The following CACNA1C variants were observed in gnomAD, a reference collection of about 807,000 sequenced individuals.
The protein encoded by CACNA1C is voltage-dependent L-type calcium channel subunit alpha-1C.
In CACNA1C, 30 loss-of-function variants were observed where a neutral mutation model predicts 229.0. The observed-to-expected ratio is 0.13, with a 90% confidence interval of 0.10 to 0.18. The LOEUF is 0.18. Among genes scored for constraint, CACNA1C ranks in the 10% least tolerant of loss-of-function variants. CACNA1C has a pLI of 1.00. For missense variants in CACNA1C, 1,658 were observed against 2,845.0 expected (o/e 0.58, Z 9.49); for synonymous variants, 1,114 against 1,132.5 (o/e 0.98, Z 0.33).
intron 1 of CACNA1C, among the ~76,000 whole-genome samples, chr12:1,988,676 G>C (rs151182648): frequency 2.0e-5 from 3 of 152,116 alleles, no homozygotes; most frequent in Non-Finnish European, 4.4e-5. Context: ...AACTAGGAGT[G>C]TGCTCACTCT....
chr12:2,668,008 A>G (rs2096313309), intron 37 of CACNA1C, among the ~76,000 whole-genome samples: 1 of 152,238 alleles, frequency 6.6e-6, no homozygotes, highest in Non-Finnish European at 1.5e-5. Context: ...AGAAGAGGGC[A>G]AGACAGCACT....
At chr12:2,370,353 A>C (rs1431181483) in intron 3 of CACNA1C, among the ~76,000 whole-genome samples, 1 of 152,256 alleles carries the variant, frequency 6.6e-6, no homozygotes, top group Non-Finnish European at 1.5e-5. Context: ...TCCATCTAGG[A>C]ATTTGGGCTG....
chr12:2,597,161 A>G lies in CACNA1C; in HGVS notation c.2794-69A>G. The G allele has an allele frequency of 2.1e-6, 2 of 931,908 alleles. No homozygotes were observed. Among genetic ancestry groups the G allele is most frequent in the East Asian group, 2.4e-5 (1 of 41,454 alleles). 57.7% of individuals were successfully genotyped at this position (931,908 alleles called of 1,614,324 possible). ...CCCCTTTTCTGGTGAACATCCACTG[A>G]CCTCTCTTCCCGTCCTGCTTTTCTC... On this transcript the variant is annotated intron_variant, in intron 20 of 46. Coordinates refer to ENST00000399655, the MANE Select transcript of CACNA1C (RefSeq NM_000719.7). This position sits in a 1 kb window ranked among gnomAD's most constrained non-coding sequence, Gnocchi z 4.3.
intron 1 of CACNA1C, among the ~76,000 whole-genome samples, chr12:1,993,771 TAAAGATATTTTA>T: frequency 2.0e-5 from 3 of 152,326 alleles, no homozygotes; most frequent in East Asian, 3.9e-4. Context: ...TTAAATTAAT[TAAAGATATTTTA>T]AACAATCTTG....
At chr12:2,102,258 TC>T (rs1241321674) in intron 1 of CACNA1C, among the ~76,000 whole-genome samples, 1 of 152,226 alleles carries the variant, frequency 6.6e-6, no homozygotes, top group Non-Finnish European at 1.5e-5. Flanking sequence ...TAAAAGAACT[TC>T]CATGCAGCCA....
chr12:2,499,059 G>A (rs1381783553), intron 7 of CACNA1C, among the ~76,000 whole-genome samples: 5 of 152,130 alleles, frequency 3.3e-5, no homozygotes, highest in South Asian at 2.1e-4. Flanking sequence ...AGGCACTCCC[G>A]GGTTTTCAGC....
intron 3 of CACNA1C, among the ~76,000 whole-genome samples, chr12:2,224,563 G>T (rs548968187): frequency 6.6e-6 from 1 of 152,280 alleles, no homozygotes; most frequent in East Asian, 1.9e-4. Flanking sequence ...TAGTAGTAAG[G>T]GAAGAATGGG....
chr12:2,309,796 T>A (rs1189461959), intron 3 of CACNA1C, among the ~76,000 whole-genome samples: 2 of 152,204 alleles, frequency 1.3e-5, no homozygotes, highest in African/African-American at 4.8e-5. Flanking sequence ...GGCCCCTGCC[T>A]TCTGGCGACT....
At position 2,174,980 on chromosome 12, in the gene CACNA1C, G is replaced by A. The variant is rs143627336; in HGVS notation, c.477+54550G>A. Among the ~76,000 whole-genome samples the A allele has an allele frequency of 3.2e-3, 484 of 152,232 alleles. 4 individuals carry two copies. The highest frequency in any genetic ancestry group is 0.011 in the African/African-American group (471 of 41,522). On this transcript the variant is annotated intron_variant, in intron 3 of 46. Transcript: ENST00000399655. ...GTAGGAAGAGGAGGAGGAGGAGGGC[G>A]GCTAGGTCTTGCCATCTCGGGTGGC...
intron 1 of CACNA1C, among the ~76,000 whole-genome samples, chr12:1,994,509 T>C (rs756522681): frequency 1.1e-4 from 16 of 152,140 alleles, no homozygotes; most frequent in Non-Finnish European, 2.1e-4. Flanking sequence ...AAGCATACAA[T>C]CAATACCAGA....
intron 3 of CACNA1C, among the ~76,000 whole-genome samples, chr12:2,386,825 T>C (rs2098400414): frequency 6.6e-6 from 1 of 152,226 alleles, no homozygotes; most frequent in Non-Finnish European, 1.5e-5. Context: ...AGTCCGTGTT[T>C]ACTGGATGGA....
intron 3 of CACNA1C, among the ~76,000 whole-genome samples, chr12:2,301,135 G>A (rs1024127696): frequency 8.5e-5 from 13 of 152,150 alleles, no homozygotes; most frequent in Non-Finnish European, 1.9e-4. Flanking sequence ...CACTTAGCAC[G>A]GCCCAAGAGC....
intron 3 of CACNA1C, among the ~76,000 whole-genome samples, chr12:2,231,730 AG>A (rs35884740): frequency 6.6e-6 from 1 of 152,120 alleles, no homozygotes; most frequent in South Asian, 2.1e-4. Context: ...CATGAACAAC[AG>A]GGTGTTTTGA....
chr12:2,095,287 G>A (rs1010668933), intron 1 of CACNA1C, among the ~76,000 whole-genome samples: 4 of 152,204 alleles, frequency 2.6e-5, no homozygotes, highest in African/African-American at 9.7e-5. Context: ...TGTCTTAAAG[G>A]TTATGACCCT....
intron 9 of CACNA1C, among the ~76,000 whole-genome samples, 152 bp from the exon 10 acceptor site, chr12:2,549,791 G>T (rs1457412405): frequency 6.6e-6 from 1 of 152,200 alleles, no homozygotes; most frequent in South Asian, 2.1e-4. Context: ...CCATCAAGGG[G>T]ATCTGTGCAG....
intron 3 of CACNA1C, among the ~76,000 whole-genome samples, chr12:2,180,812 T>C (rs950390166): frequency 3.3e-5 from 5 of 152,154 alleles, no homozygotes; most frequent in Admixed American, 3.3e-4. Flanking sequence ...AAATGTCAAA[T>C]GGTTGTTCAG....
chr12:2,588,460 C>CT (rs1422970079), intron 18 of CACNA1C, among the ~76,000 whole-genome samples: 1 of 152,246 alleles, frequency 6.6e-6, no homozygotes, highest in Non-Finnish European at 1.5e-5. Flanking sequence ...CCCCTGCCCT[C>CT]TCCCTCTCTC....
upstream of CACNA1C, among the ~76,000 whole-genome samples, chr12:2,050,861 T>C (rs1245998710): frequency 1.3e-5 from 2 of 152,144 alleles, no homozygotes; most frequent in Non-Finnish European, 2.9e-5. Context: ...TGCATTTTCA[T>C]AGGGGGAATT....
chr12:2,571,153 G>A (rs575323010), intron 13 of CACNA1C, among the ~76,000 whole-genome samples: 100 of 152,312 alleles, frequency 6.6e-4, no homozygotes, highest in Non-Finnish European at 1.1e-3. Flanking sequence ...AGAGACTGAG[G>A]CTTAGAGAGT....
Sources: allele counts gnomAD v4.1 joint callset (sites outside exome capture counted in the v4.1 genomes callset), GRCh38; gene constraint gnomAD v4.1.1; non-coding constraint Gnocchi (gnomAD v3.1); transcripts MANE v1.5; gene names NCBI Gene and HGNC (gene_info 2026-07-23, HGNC 2026-07-21).